The following CNTNAP2 variants were observed in gnomAD, a reference collection of about 807,000 sequenced individuals.
CNTNAP2 encodes the protein contactin associated protein 2.
CNTNAP2 carries 98 observed loss-of-function variants against 155.2 expected under a neutral mutation model. The ratio of observed to expected loss-of-function variants is 0.63; its 90% CI spans 0.54 to 0.75. The LOEUF (loss-of-function observed/expected upper bound fraction) is 0.75. Among genes scored for constraint, CNTNAP2 ranks in the 30% least tolerant of loss-of-function variants. The pLI, the probability that CNTNAP2 is intolerant of heterozygous loss-of-function variation, is 0.00. For missense variants in CNTNAP2, 1,727 were observed against 1,688.1 expected (o/e 1.02, Z -0.40); for synonymous variants, 651 against 631.2 (o/e 1.03, Z -0.47).
At chr7:147,730,288 C>T (rs1796716236) in intron 13 of CNTNAP2, among the ~76,000 whole-genome samples, 1 of 152,068 alleles carries the variant, frequency 6.6e-6, no homozygotes. Flanking sequence ...TTGAGCTTCG[C>T]AGATACTGCA....
At chr7:147,032,051 T>C (rs574144693) in intron 3 of CNTNAP2, among the ~76,000 whole-genome samples, 12 of 152,348 alleles carry the variant, frequency 7.9e-5, no homozygotes, top group African/African-American at 2.9e-4. Context: ...AAATGTTCTA[T>C]ATCTTGATAG....
chr7:148,208,885 C>T (rs1401429527), intron 18 of CNTNAP2, among the ~76,000 whole-genome samples: 1 of 152,136 alleles, frequency 6.6e-6, no homozygotes, highest in African/African-American at 2.4e-5. Context: ...GCCCTAATTA[C>T]TTCCTCTCTG....
intron 1 of CNTNAP2, among the ~76,000 whole-genome samples, chr7:146,274,851 T>A (rs1348577044): frequency 6.6e-6 from 1 of 152,220 alleles, no homozygotes; most frequent in African/African-American, 2.4e-5. Flanking sequence ...TTTTGTTCCT[T>A]GTCTTTTAAA....
intron 3 of CNTNAP2, among the ~76,000 whole-genome samples, chr7:146,875,675 G>C (rs188153086): frequency 8.6e-4 from 70 of 81,004 alleles, no homozygotes; most frequent in African/African-American, 3.0e-3. Flanking sequence ...TGCTTTTGGC[G>C]GGGGGGCAAA....
intron 1 of CNTNAP2, among the ~76,000 whole-genome samples, chr7:146,372,843 C>G (rs1399575775): frequency 4.6e-5 from 7 of 152,070 alleles, no homozygotes; most frequent in Non-Finnish European, 1.0e-4. Context: ...AATGGAGGTA[C>G]AGAAAAACTC....
intron 1 of CNTNAP2, among the ~76,000 whole-genome samples, chr7:146,647,229 C>T (rs1357381043): frequency 6.6e-6 from 1 of 152,134 alleles, no homozygotes; most frequent in Non-Finnish European, 1.5e-5. Context: ...TTGACAGCAA[C>T]CTTTAGGGCT....
intron 8 of CNTNAP2, among the ~76,000 whole-genome samples, chr7:147,265,008 A>G (rs1219428425): frequency 6.6e-6 from 1 of 151,942 alleles, no homozygotes; most frequent in Non-Finnish European, 1.5e-5. Flanking sequence ...GCAAGTCTTG[A>G]TTTGTAGAAA....
At chr7:146,527,001 G>A (rs192188863) in intron 1 of CNTNAP2, among the ~76,000 whole-genome samples, 101 of 151,754 alleles carry the variant, frequency 6.7e-4, no homozygotes, top group African/African-American at 2.2e-3. Context: ...CAGTTCTCCC[G>A]CCTCGGCCTC....
intron 1 of CNTNAP2, among the ~76,000 whole-genome samples, chr7:146,187,767 C>T (rs1048814220): frequency 6.6e-6 from 1 of 152,114 alleles, no homozygotes; most frequent in African/African-American, 2.4e-5. Flanking sequence ...CTCTCTTATT[C>T]AGATTCAGGT....
At chr7:148,021,972 G>T (rs113355621) in intron 15 of CNTNAP2, among the ~76,000 whole-genome samples, 4 of 152,220 alleles carry the variant, frequency 2.6e-5, no homozygotes, top group Admixed American at 6.5e-5. Context: ...GGAAAGGATG[G>T]ACCCAAAGGA....
At chr7:147,097,431 C>A (rs1029260768) in intron 4 of CNTNAP2, 2 of 152,206 alleles carry the variant, frequency 1.3e-5, no homozygotes, top group Admixed American at 6.5e-5. Context: ...AATGGACTTA[C>A]AATTCCTCAT....
At chr7:147,244,033 A>G in intron 8 of CNTNAP2, among the ~76,000 whole-genome samples, 1 of 152,168 alleles carries the variant, frequency 6.6e-6, no homozygotes, top group South Asian at 2.1e-4. Context: ...TTTCTGCCTG[A>G]GGTGGAGGTG....
At chr7:146,907,904 C>T (rs139473538) in intron 3 of CNTNAP2, among the ~76,000 whole-genome samples, 2,720 of 152,148 alleles carry the variant, frequency 0.018, 77 homozygotes, top group African/African-American at 0.061. Flanking sequence ...TTCAGGAAAC[C>T]CATCTCACAT....
At chr7:147,137,902 TA>T (rs1801518217) in intron 8 of CNTNAP2, among the ~76,000 whole-genome samples, 2 of 132,702 alleles carry the variant, frequency 1.5e-5, no homozygotes, top group African/African-American at 2.6e-5. Flanking sequence ...GATAGATAGA[TA>T]GATAGATAGA....
chr7:147,514,865 C>G (rs1034277411), intron 11 of CNTNAP2, among the ~76,000 whole-genome samples: 5 of 152,184 alleles, frequency 3.3e-5, no homozygotes, highest in Non-Finnish European at 7.3e-5. Flanking sequence ...TCTGTTTTTG[C>G]AGTAGCTTCC....
chr7:148,268,852 A>G (rs1324899744), intron 21 of CNTNAP2, among the ~76,000 whole-genome samples: 1 of 152,118 alleles, frequency 6.6e-6, no homozygotes, highest in African/African-American at 2.4e-5. Flanking sequence ...CTGGCTAATC[A>G]GTGGCAGAAC....
chr7:147,305,158 T>C (rs1014754870), intron 9 of CNTNAP2, among the ~76,000 whole-genome samples: 1 of 152,150 alleles, frequency 6.6e-6, no homozygotes, highest in Admixed American at 6.5e-5. Flanking sequence ...TCTATAATAA[T>C]GGCCTCTCAA....
intron 17 of CNTNAP2, among the ~76,000 whole-genome samples, chr7:148,168,622 T>G (rs11760587): frequency 0.1 from 15,861 of 151,372 alleles, 923 homozygotes; most frequent in East Asian, 0.24. Flanking sequence ...AAATGACAAG[T>G]TAATGGGTGC....
chr7:147,477,532 C>A (rs551256196), intron 10 of CNTNAP2, among the ~76,000 whole-genome samples: 10 of 152,164 alleles, frequency 6.6e-5, no homozygotes, highest in Non-Finnish European at 1.5e-4. Context: ...GTCTATCCTG[C>A]ACCTATTACT....
Sources: allele counts gnomAD v4.1 joint callset (sites outside exome capture counted in the v4.1 genomes callset), GRCh38; gene constraint gnomAD v4.1.1; transcripts MANE v1.5; gene names NCBI Gene and HGNC (gene_info 2026-07-23, HGNC 2026-07-21).